Variants in GPR89A observed in about 807,000 individuals in gnomAD.
GPR89A encodes G protein-coupled receptor 89A.
Under a neutral mutation model 52.0 loss-of-function variants are expected in GPR89A, and 16 were observed. The observed-to-expected ratio is 0.31, with a 90% CI of 0.21 to 0.47. The LOEUF (loss-of-function observed/expected upper bound fraction) is 0.47, where lower values mean the gene tolerates loss of function less well. Ranked by LOEUF, GPR89A falls within the 20% of genes least tolerant of loss-of-function variation. GPR89A has a pLI of 1.00. For synonymous variants in GPR89A, 55 were observed against 150.9 expected (o/e 0.36, Z 4.66); for missense variants, 135 against 449.4 (o/e 0.30, Z 6.33).
chr1:145,654,814 T>C (rs1349465953), intron 10 of GPR89A, among the ~76,000 whole-genome samples: 2 of 152,174 alleles, frequency 1.3e-5, no homozygotes, highest in Admixed American at 1.3e-4. Flanking sequence ...CCTGTCTTGC[T>C]AGGTTGGAGA....
At chr1:145,619,838 A>T (rs1286132722) in intron 3 of GPR89A, among the ~76,000 whole-genome samples, 4 of 152,018 alleles carry the variant, frequency 2.6e-5, no homozygotes, top group African/African-American at 9.7e-5. Context: ...ACATGGTGAA[A>T]CCCCGTCTCT....
chr1:145,617,739 T>C (rs1648824755), intron 2 of GPR89A, among the ~76,000 whole-genome samples: 1 of 152,100 alleles, frequency 6.6e-6, no homozygotes, highest in Non-Finnish European at 1.5e-5. Context: ...GTTTTTATCT[T>C]AAGCTTTGGA....
chr1:145,614,868 A>G (rs1401935765), intron 1 of GPR89A, among the ~76,000 whole-genome samples: 1 of 152,058 alleles, frequency 6.6e-6, no homozygotes, highest in African/African-American at 2.4e-5. Flanking sequence ...ATATGGATCT[A>G]AAGAACCAAA....
rs1649110534 is a variant in GPR89A, at chr1:145,621,134, A to C, written c.207-1920A>C. ...GGCTCTTTGTTTCGTGATGCCTGCC[A>C]TCTGTACTAAGGAAGGAACAATAAG... On this transcript the variant is annotated intron_variant, in intron 3 of 13. Transcript: ENST00000313835. Among the ~76,000 whole-genome samples, 3 of 151,616 alleles carry C rather than the reference A, an allele frequency of 2.0e-5. No homozygotes were observed. The East Asian group carries it at 5.8e-4, about 29-fold the overall frequency.
At chr1:145,637,731 A>AGT (rs1553691080) in intron 7 of GPR89A, among the ~76,000 whole-genome samples, 3 of 152,228 alleles carry the variant, frequency 2.0e-5, no homozygotes. Context: ...GCATGATACA[A>AGT]GTGAAAAGAG....
At chr1:145,663,679 T>C (rs1185475121) in intron 11 of GPR89A, among the ~76,000 whole-genome samples, 1 of 152,220 alleles carries the variant, frequency 6.6e-6, no homozygotes, top group Non-Finnish European at 1.5e-5. Context: ...TTGTCATGGA[T>C]GCTGATTATT....
intron 7 of GPR89A, among the ~76,000 whole-genome samples, chr1:145,643,154 T>G (rs1571511522): frequency 1.3e-5 from 2 of 151,152 alleles, no homozygotes; most frequent in South Asian, 4.2e-4. Flanking sequence ...TAGCTGGTTT[T>G]TTTTGTTTGT....
At position 145,608,431 on chromosome 1, in the gene GPR89A, C is replaced by T. The variant is rs587746997; in HGVS notation, c.42+256C>T. 3.5e-5 allele frequency: 23 copies of T among 650,258 alleles called. No individual in the cohort carries two copies. In the East Asian group the frequency reaches 6.2e-4, roughly 18 times the overall value. The allele number at this position is 650,258 out of a possible 1,614,324, so 40.3% of individuals were successfully genotyped here. A position where few individuals can be genotyped will look rare whatever the true frequency, so the allele number is the denominator to read the frequency against. ...CGGAATTTCGGTCCACTTTTGGAAG[C>T]GGTCCGCCGACCTCCAGGCTAAGAG... On this transcript the variant is annotated intron_variant, in intron 1 of 13. Transcript: ENST00000313835.
At chr1:145,614,451 G>A (rs1224976536) in intron 1 of GPR89A, among the ~76,000 whole-genome samples, 1 of 152,154 alleles carries the variant, frequency 6.6e-6, no homozygotes, top group Non-Finnish European at 1.5e-5. Flanking sequence ...TCAGCACTTA[G>A]CATAGCACGT....
At chr1:145,658,944 AT>A (rs1470898410) in intron 10 of GPR89A, among the ~76,000 whole-genome samples, 5 of 151,386 alleles carry the variant, frequency 3.3e-5, no homozygotes, top group African/African-American at 9.7e-5. Flanking sequence ...CGCCTGGCTG[AT>A]TTTTCTATTT....
At chr1:145,616,195 G>A in intron 1 of GPR89A, 39 bp from the exon 2 acceptor site, 1 of 1,523,768 alleles carries the variant, frequency 6.6e-7, no homozygotes, top group South Asian at 1.1e-5. Context: ...TTTCTCAAAA[G>A]AAAATATGTA....
chr1:145,646,227 A>C lies in GPR89A; in HGVS notation c.771A>C (p.Leu257Phe), dbSNP rs1193239416. The C allele has an allele frequency of 6.2e-7, 1 of 1,612,504 alleles. No homozygotes were observed. The highest frequency in any genetic ancestry group is 1.3e-5 in the African/African-American group (1 of 74,742). The change falls in exon 9 of 14, where the codon TTA becomes TTC. Residue 257 changes from leucine (L) to phenylalanine (F), a missense_variant. Leu to Phe is a conservative substitution (Grantham distance 22). Transcript: ENST00000313835. ...IQQEVDALEE[L>F]SRQLFLETAD... Reference sequence around the variant, plus strand: ...AGGAAGTGGATGCTTTGGAAGAATTAAGCAGGCAGCTTTTTCTGGAAACAG... The same window carrying C: ...AGGAAGTGGATGCTTTGGAAGAATTCAGCAGGCAGCTTTTTCTGGAAACAG...
At chr1:145,636,139 T>G (rs1160184961) in intron 7 of GPR89A, among the ~76,000 whole-genome samples, 3 of 152,132 alleles carry the variant, frequency 2.0e-5, no homozygotes, top group Non-Finnish European at 4.4e-5. Context: ...GTTTTATTAA[T>G]TTGAGTGGCT....
At chr1:145,610,768 G>T (rs1439179636) in intron 1 of GPR89A, among the ~76,000 whole-genome samples, 1 of 152,090 alleles carries the variant, frequency 6.6e-6, no homozygotes, top group Admixed American at 6.5e-5. Flanking sequence ...TTTGTTAAAT[G>T]ATTAAAAGGG....
intron 7 of GPR89A, among the ~76,000 whole-genome samples, chr1:145,640,548 A>G (rs1650585282): frequency 8.6e-6 from 1 of 116,426 alleles, no homozygotes; most frequent in Non-Finnish European, 1.8e-5. Context: ...TACAATAATT[A>G]GCCAGGCGTG....
At chr1:145,666,538 T>C (rs1341725684) in intron 12 of GPR89A, among the ~76,000 whole-genome samples, 17 of 152,022 alleles carry the variant, frequency 1.1e-4, no homozygotes, top group African/African-American at 3.6e-4. Flanking sequence ...AGTAAGGACC[T>C]ACTGAATTCA....
chr1:145,608,780 A>G (rs1401531721), intron 1 of GPR89A: 1 of 161,592 alleles, frequency 6.2e-6, no homozygotes, highest in African/African-American at 2.5e-5. Context: ...TCTGACCCTC[A>G]TTTCTTCTCC....
At chr1:145,626,945 T>A in intron 5 of GPR89A, among the ~76,000 whole-genome samples, 1 of 4,752 alleles carries the variant, frequency 2.1e-4, no homozygotes, top group African/African-American at 2.4e-4. Context: ...AGAGCGAGAC[T>A]CTACAAAAAA....
chr1:145,636,741 T>C (rs1210845449), intron 7 of GPR89A, among the ~76,000 whole-genome samples: 1 of 151,964 alleles, frequency 6.6e-6, no homozygotes, highest in Non-Finnish European at 1.5e-5. Flanking sequence ...GGAAAAAATA[T>C]TAAAAGCAAG....
Sources: gnomAD v4.1 joint callset for allele counts (sites outside exome capture counted in the v4.1 genomes callset) on GRCh38, gnomAD v4.1.1 for gene constraint, MANE v1.5 for transcripts, NCBI Gene and HGNC (gene_info 2026-07-23, HGNC 2026-07-21) for gene names.